The following SYNE1 variants were observed in gnomAD, a reference collection of about 807,000 sequenced individuals.
SYNE1 encodes the protein nesprin-1.
SYNE1 carries 616 observed loss-of-function variants against 1,111.0 expected under a neutral mutation model. The ratio of observed to expected loss-of-function variants is 0.55; its 90% CI spans 0.52 to 0.59. The LOEUF (loss-of-function observed/expected upper bound fraction) is 0.59. Ranked by LOEUF, SYNE1 falls within the 20% of genes least tolerant of loss-of-function variation. The probability of loss-of-function intolerance (pLI) is 0.00; values close to 1 mark genes in which losing one functional copy is unlikely to be tolerated. For synonymous variants in SYNE1, 3,855 were observed against 3,825.8 expected, an observed-to-expected ratio of 1.01 and a Z score of -0.28; for missense variants, 10,006 against 10,417.0, an observed-to-expected ratio of 0.96 and a Z score of 1.72.
intron 4 of SYNE1, among the ~76,000 whole-genome samples, chr6:152,535,344 T>C (rs73782879): frequency 0.053 from 8,103 of 152,274 alleles, 700 homozygotes; most frequent in African/African-American, 0.18. Flanking sequence ...AAATTTTTTT[T>C]CTGCAGTTTT....
Position 152,301,976 on chromosome 6 carries a change from C to T in SYNE1, c.17434G>A (p.Ala5812Thr), listed in dbSNP as rs775815795. 10 of 1,614,238 alleles carry T rather than the reference C, an allele frequency of 6.2e-6. No homozygotes were observed. The highest frequency in any genetic ancestry group is 5.9e-6 in the Non-Finnish European group (7 of 1,180,040). Reference protein sequence around the residue: ...CKMLTMKAKHATMLLTVTEVE... With the variant: ...CKMLTMKAKHTTMLLTVTEVE... Reference sequence around the variant, plus strand: ...TCGGTCACCGTCAGCAGCATGGTGGCGTGCTTGGCTTTCATCGTCAGCATC... The same window carrying T: ...TCGGTCACCGTCAGCAGCATGGTGGTGTGCTTGGCTTTCATCGTCAGCATC... Residue 5812 changes from alanine (A) to threonine (T), a missense_variant, in exon 92 of 146, where the codon GCC (alanine) becomes ACC (threonine). Transcript: ENST00000367255.
intron 139 of SYNE1, 38 bp downstream of exon 139, chr6:152,141,165 T>C (rs775909677): frequency 1.4e-5 from 23 of 1,613,778 alleles, no homozygotes; most frequent in Admixed American, 3.3e-5. Context: ...CAGGATCTTC[T>C]ATTTCATTCA....
chr6:152,399,893 G>A (rs896998461), intron 47 of SYNE1, 70 bp from the exon 48 acceptor site: 1 of 1,523,870 alleles, frequency 6.6e-7, no homozygotes, highest in Non-Finnish European at 9.1e-7. Context: ...CTTCACTATG[G>A]TACTGTTTTA....
chr6:152,430,952 C>T (rs1177971065), intron 34 of SYNE1, among the ~76,000 whole-genome samples: 1 of 152,128 alleles, frequency 6.6e-6, no homozygotes, highest in Non-Finnish European at 1.5e-5. Flanking sequence ...AATAGCTACT[C>T]TTGCTTGCAG....
chr6:152,316,247 C>T (rs2095715361), intron 87 of SYNE1: 1 of 156,488 alleles, frequency 6.4e-6, no homozygotes, highest in Non-Finnish European at 1.4e-5. Context: ...GGCCAGATGA[C>T]AGGCCTGGGT....
chr6:152,594,343 G>A (rs1033620163), intron 3 of SYNE1, among the ~76,000 whole-genome samples: 1 of 152,160 alleles, frequency 6.6e-6, no homozygotes, highest in Non-Finnish European at 1.5e-5. Flanking sequence ...GTCCCCTGAG[G>A]CCCAATGGGA....
At chr6:152,224,959 GTA>G (rs565059418) in intron 116 of SYNE1, among the ~76,000 whole-genome samples, 2 of 145,336 alleles carry the variant, frequency 1.4e-5, no homozygotes, top group African/African-American at 2.5e-5. Context: ...ATATATATGT[GTA>G]TATATATATA....
At chr6:152,491,487 C>T (rs549519252) in intron 11 of SYNE1, among the ~76,000 whole-genome samples, 2 of 152,286 alleles carry the variant, frequency 1.3e-5, no homozygotes, top group South Asian at 2.1e-4. Flanking sequence ...CCTGTGTTCT[C>T]AAGAACTTAA....
chr6:152,435,222 G>A (rs1237567808), intron 33 of SYNE1: 1 of 152,016 alleles, frequency 6.6e-6, no homozygotes, highest in Non-Finnish European at 1.5e-5. Flanking sequence ...ATAATAATAT[G>A]CTATTATGTA....
At chr6:152,493,115 C>T (rs372346354) in intron 11 of SYNE1, among the ~76,000 whole-genome samples, 3 of 152,056 alleles carry the variant, frequency 2.0e-5, no homozygotes, top group African/African-American at 7.2e-5. Flanking sequence ...TATGAGACAA[C>T]TCTACTCCCT....
At chr6:152,407,551 A>G (rs1260268439) in intron 44 of SYNE1, among the ~76,000 whole-genome samples, 2 of 152,212 alleles carry the variant, frequency 1.3e-5, no homozygotes, top group Non-Finnish European at 2.9e-5. Context: ...TGAAAGCATT[A>G]ACAATAAGCA....
At chr6:152,431,052 T>C (rs911515513) in intron 34 of SYNE1, among the ~76,000 whole-genome samples, 3 of 152,188 alleles carry the variant, frequency 2.0e-5, no homozygotes, top group African/African-American at 4.8e-5. Flanking sequence ...GGCGTTTTAA[T>C]TAACTGAGCT....
Position 152,329,886 on chromosome 6 carries a change from C to T in SYNE1, c.14799G>A (p.Glu4933=). ...EIRKIQIHQE[E]VQSSLRIMNA... Reference sequence around the variant, plus strand: ...TCATGATTCTCAAGCTGGACTGGACCTCTTCCTGATGAATTTGGATTTTTC... The same window carrying T: ...TCATGATTCTCAAGCTGGACTGGACTTCTTCCTGATGAATTTGGATTTTTC... The change falls in exon 78 of 146, where the codon GAG becomes GAA. Residue 4933 remains glutamate, a synonymous_variant. Coordinates refer to ENST00000367255, the MANE Select transcript of SYNE1 (RefSeq NM_182961.4). 6 of 1,614,154 alleles carry T rather than the reference C, an allele frequency of 3.7e-6. No individual in the cohort carries two copies. The highest frequency in any genetic ancestry group is 5.1e-6 in the Non-Finnish European group (6 of 1,180,036).
intron 60 of SYNE1, 79 bp downstream of exon 60, chr6:152,369,392 C>T: frequency 6.2e-7 from 1 of 1,600,190 alleles, no homozygotes; most frequent in African/African-American, 1.3e-5. Flanking sequence ...CTCAAGGGTG[C>T]TGAGCATGCA....
At chr6:152,368,041 T>C (rs1176086577) in intron 61 of SYNE1, 1 of 155,048 alleles carries the variant, frequency 6.4e-6, no homozygotes, top group Admixed American at 6.3e-5. Context: ...AAAATAACAA[T>C]CATAGAATAA....
At position 152,231,716 on chromosome 6, in the gene SYNE1, A is replaced by G. The variant is rs1457031966; in HGVS notation, c.20863-149T>C. 5 of 822,864 alleles carry G rather than the reference A, an allele frequency of 6.1e-6. No homozygotes were observed. In the East Asian group the frequency reaches 1.3e-4, roughly 22 times the overall value. The allele number at this position is 822,864 out of a possible 1,614,324, so 51.0% of individuals were successfully genotyped here. On this transcript the variant is annotated intron_variant, in intron 113 of 145. Transcript: ENST00000367255. ...CAATTTGTCTGTGTTCACACAACCCATTATTTTTAGAAGCCGAATATATAT... is the reference window on the plus strand; with the variant it reads ...CAATTTGTCTGTGTTCACACAACCCGTTATTTTTAGAAGCCGAATATATAT...
intron 74 of SYNE1, among the ~76,000 whole-genome samples, chr6:152,340,486 AC>A (rs1378733521): frequency 1.3e-5 from 2 of 152,146 alleles, no homozygotes; most frequent in African/African-American, 4.8e-5. Flanking sequence ...CTTCGCGTCT[AC>A]CCACTTAATG....
intron 42 of SYNE1, among the ~76,000 whole-genome samples, chr6:152,411,880 C>T (rs2098058409): frequency 6.6e-6 from 1 of 152,132 alleles, no homozygotes; most frequent in Non-Finnish European, 1.5e-5. Flanking sequence ...AATGGTGCAA[C>T]TACTTCGAAA....
rs760064677 is a variant in SYNE1, at chr6:152,449,522, C to T, written c.3504+11G>A. 8 of 1,603,974 alleles carry T rather than the reference C, an allele frequency of 5.0e-6. No homozygotes were observed. The South Asian group carries it at 8.8e-5, about 18-fold the overall frequency. The stretch of plus-strand genomic sequence containing the variant: ...AAATTTTCCTCTAGCAAATAATGAC[C>T]CTGAACTTACTTCAACGGCACGTTT... On this transcript the variant is annotated intron_variant, in intron 28 of 145. Coordinates refer to ENST00000367255, the MANE Select transcript of SYNE1 (RefSeq NM_182961.4).
Sources: gnomAD v4.1 joint callset for allele counts (sites outside exome capture counted in the v4.1 genomes callset) on GRCh38, gnomAD v4.1.1 for gene constraint, MANE v1.5 for transcripts, NCBI Gene and HGNC (gene_info 2026-07-23, HGNC 2026-07-21) for gene names.